Variants in MTUS1 observed in about 807,000 individuals in gnomAD.
MTUS1 encodes the protein microtubule associated scaffold protein 1, also known as microtubule-associated tumor suppressor 1.
MTUS1 carries 109 observed loss-of-function variants against 120.8 expected under a neutral mutation model. The ratio of observed to expected loss-of-function variants is 0.90; its 90% confidence interval spans 0.77 to 1.06. MTUS1 has a LOEUF of 1.06. MTUS1 is among the 50% of genes least tolerant of loss of function. The probability of loss-of-function intolerance (pLI) is 0.00; values close to 1 mark genes in which losing one functional copy is unlikely to be tolerated. For synonymous variants in MTUS1, 737 were observed against 550.5 expected, an observed-to-expected ratio of 1.34 and a Z score of -4.74; for missense variants, 2,210 against 1,486.3, an observed-to-expected ratio of 1.49 and a Z score of -8.01.
intron 10 of MTUS1, chr8:17,654,139 T>C (rs67584251): frequency 0.081 from 14,831 of 183,114 alleles, 726 homozygotes; most frequent in African/African-American, 0.11. Flanking sequence ...CTCCCACTGA[T>C]GACAGATGAA....
Position 17,755,634 on chromosome 8 carries a change from A to G in MTUS1, c.174T>C (p.Tyr58=). The part of the protein sequence containing the change: ...SANPDDMVVD[Y]ETDPAVVTGE... ...CAGTAACTACAGCAGGGTCAGTTTCATAATCAACCACCATGTCATCTGGGT... is the reference window on the plus strand; with the variant it reads ...CAGTAACTACAGCAGGGTCAGTTTCGTAATCAACCACCATGTCATCTGGGT... Residue 58 remains tyrosine (Y), a synonymous_variant, in exon 2 of 15, where the codon TAT becomes TAC. Coordinates refer to ENST00000693296, the MANE Select transcript of MTUS1 (RefSeq NM_001363059.2). The G allele has an allele frequency of 6.2e-7, 1 of 1,614,238 alleles. No individual in the cohort carries two copies. Among genetic ancestry groups the G allele is most frequent in the Non-Finnish European group, 8.5e-7 (1 of 1,180,026 alleles).
intron 1 of MTUS1, among the ~76,000 whole-genome samples, chr8:17,783,125 A>T (rs1466183980): frequency 6.6e-6 from 1 of 152,190 alleles, no homozygotes; most frequent in African/African-American, 2.4e-5. Flanking sequence ...CGCAATGAGG[A>T]TAACATGTTG....
chr8:17,756,679 C>CCCCCCCCCCCCCA (rs58787907), intron 1 of MTUS1, among the ~76,000 whole-genome samples: 1 of 123,454 alleles, frequency 8.1e-6, no homozygotes, highest in Non-Finnish European at 1.7e-5. Flanking sequence ...AAACCCCCAC[C>CCCCCCCCCCCCCA]CCTTATGTAA....
chr8:17,762,189 G>C (rs370295832), intron 1 of MTUS1, among the ~76,000 whole-genome samples: 1 of 152,162 alleles, frequency 6.6e-6, no homozygotes, highest in Non-Finnish European at 1.5e-5. Flanking sequence ...TGAGGCAGGA[G>C]AATCACTGGA....
At chr8:17,706,459 A>G (rs1820180566) in intron 6 of MTUS1, among the ~76,000 whole-genome samples, 1 of 152,176 alleles carries the variant, frequency 6.6e-6, no homozygotes. Context: ...AATTTCTTTA[A>G]TTGATAAAGG....
intron 3 of MTUS1, 178 bp from the exon 4 acceptor site, chr8:17,724,011 G>C: frequency 3.4e-6 from 2 of 593,190 alleles, no homozygotes; most frequent in Middle Eastern, 2.6e-4. Context: ...GTTTATTTTT[G>C]ATCATTTAGA....
At chr8:17,695,973 G>A (rs1470584351) in intron 6 of MTUS1, among the ~76,000 whole-genome samples, 1 of 152,034 alleles carries the variant, frequency 6.6e-6, no homozygotes, top group East Asian at 1.9e-4. Context: ...TTTTTAACTT[G>A]GAGCGTGGAT....
intron 1 of MTUS1, among the ~76,000 whole-genome samples, chr8:17,788,607 G>T (rs191682869): frequency 6.6e-6 from 1 of 152,168 alleles, no homozygotes; most frequent in East Asian, 1.9e-4. Flanking sequence ...TCATGTGCCA[G>T]CTGCCTGCAG....
At position 17,734,714 on chromosome 8, in the gene MTUS1, A is replaced by G. The variant is rs187833078; in HGVS notation, c.2287+8890T>C. On this transcript the variant is annotated intron_variant, in intron 3 of 14. Transcript: ENST00000693296. ...TGCTTCATTTTCCCAGCTACCATAC[A>G]AAGGAGATAAACAAGGGTCTTCACA... Among the ~76,000 whole-genome samples, 10 of 152,282 alleles carry G rather than the reference A, an allele frequency of 6.6e-5. No individual in the cohort carries two copies. The East Asian group carries it at 1.2e-3, about 18-fold the overall frequency.
chr8:17,747,232 C>CCTA (rs147245579), intron 2 of MTUS1, among the ~76,000 whole-genome samples: 26,389 of 152,064 alleles, frequency 0.17, 2,619 homozygotes, highest in East Asian at 0.33. Flanking sequence ...TCCCACCACA[C>CCTA]CTACCTAGAG....
rs918708104 is a variant in MTUS1, at chr8:17,644,943, A to T, written c.*983T>A. 2.3e-4 allele frequency: 35 copies of T among 152,330 alleles called. No individual in the cohort carries two copies. The highest frequency in any genetic ancestry group is 3.2e-3 in the Middle Eastern group (1 of 316). 9.4% of individuals were successfully genotyped at this position (152,330 alleles called of 1,614,324 possible). A position where few individuals can be genotyped will look rare whatever the true frequency, so the allele number is the denominator to read the frequency against. ...GGCTCTGGATGGTGGAGAAAGGTAA[A>T]AGGAAAATGAGAATAATGGGAGGGA... On this transcript the variant is annotated 3_prime_UTR_variant, in exon 15 of 15. Transcript: ENST00000693296.
At chr8:17,800,908 C>G (rs981366101) in intron 1 of MTUS1, 153 bp downstream of exon 1, 3 of 152,756 alleles carry the variant, frequency 2.0e-5, no homozygotes, top group Non-Finnish European at 4.4e-5. Flanking sequence ...CCGGCGCTGC[C>G]GCCCCCTTTA....
chr8:17,674,049 T>C (rs1301503567), intron 8 of MTUS1, among the ~76,000 whole-genome samples: 2 of 152,112 alleles, frequency 1.3e-5, no homozygotes, highest in East Asian at 3.9e-4. Context: ...TGGCTGAAGC[T>C]GAAGCAGGAA....
At chr8:17,763,439 T>C (rs920981742) in intron 1 of MTUS1, among the ~76,000 whole-genome samples, 1 of 152,216 alleles carries the variant, frequency 6.6e-6, no homozygotes, top group African/African-American at 2.4e-5. Flanking sequence ...CTTCGGCTTA[T>C]TCCTTCCACG....
rs200762869 is a variant in MTUS1 at position 17,735,924 on chromosome 8, G to C, written c.2287+7680C>G. Among the ~76,000 whole-genome samples, 10 of 152,318 alleles carry C rather than the reference G, an allele frequency of 6.6e-5. No individual in the cohort carries two copies. The East Asian group carries it at 1.3e-3, about 21-fold the overall frequency. On this transcript the variant is annotated intron_variant, in intron 3 of 14. Transcript: ENST00000693296. ...CACTATAAATGCAAAGCAGCAGAGA[G>C]GCCAGGACAGCTGAGGTGGAATCTG...
chr8:17,771,729 C>G (rs1210974582), intron 1 of MTUS1, among the ~76,000 whole-genome samples: 1 of 152,176 alleles, frequency 6.6e-6, no homozygotes, highest in Non-Finnish European at 1.5e-5. Flanking sequence ...ACAACAAAGA[C>G]AATTTTACTA....
At chr8:17,744,678 C>T (rs2047598677) in intron 2 of MTUS1, among the ~76,000 whole-genome samples, 2 of 138,946 alleles carry the variant, frequency 1.4e-5, no homozygotes, top group Non-Finnish European at 1.6e-5. Flanking sequence ...GATGGGGTTT[C>T]ACCATGTTTT....
intron 2 of MTUS1, among the ~76,000 whole-genome samples, chr8:17,752,186 A>C (rs926177079): frequency 9.5e-5 from 14 of 146,760 alleles, no homozygotes; most frequent in Non-Finnish European, 2.1e-4. Flanking sequence ...AAAATTACAC[A>C]ACCAATTTAA....
intron 1 of MTUS1, among the ~76,000 whole-genome samples, chr8:17,768,319 T>C (rs1402447741): frequency 6.6e-6 from 1 of 152,180 alleles, no homozygotes; most frequent in Non-Finnish European, 1.5e-5. Context: ...GAAGGTCTTT[T>C]ACTCAATCCA....
Sources: gnomAD v4.1 joint callset for allele counts (sites outside exome capture counted in the v4.1 genomes callset) on GRCh38, gnomAD v4.1.1 for gene constraint, MANE v1.5 for transcripts, NCBI Gene and HGNC (gene_info 2026-07-23, HGNC 2026-07-21) for gene names.